Variants in RNF150 observed in about 807,000 individuals in gnomAD.
The protein encoded by RNF150 is ring finger protein 150.
In RNF150, 24 loss-of-function variants were observed where a neutral mutation model predicts 39.3. That is an observed-to-expected ratio of 0.61 (90% CI 0.44 to 0.86). The LOEUF (loss-of-function observed/expected upper bound fraction) is 0.86, where lower values mean the gene tolerates loss of function less well. RNF150 is among the 40% of genes least tolerant of loss of function. The probability of loss-of-function intolerance (pLI) is 0.00; values close to 1 mark genes in which losing one functional copy is unlikely to be tolerated. For synonymous variants in RNF150, 255 were observed against 227.3 expected, an observed-to-expected ratio of 1.12 and a Z score of -1.10; for missense variants, 502 against 587.8, an observed-to-expected ratio of 0.85 and a Z score of 1.51.
chr4:141,179,604 G>A (rs989679626), intron 1 of RNF150, among the ~76,000 whole-genome samples: 1 of 152,088 alleles, frequency 6.6e-6, no homozygotes, highest in Non-Finnish European at 1.5e-5. Context: ...TGAGATTTGG[G>A]GAGATTTGTT....
chr4:141,034,574 A>T (rs6537027), intron 1 of RNF150, among the ~76,000 whole-genome samples: 121,686 of 152,124 alleles, frequency 0.8, 49,169 homozygotes, highest in Non-Finnish European at 0.83. Flanking sequence ...GCTTTTGACT[A>T]CACTAAGCTT....
chr4:141,046,978 C>T (rs1268006381), intron 1 of RNF150, among the ~76,000 whole-genome samples: 1 of 152,106 alleles, frequency 6.6e-6, no homozygotes, highest in Non-Finnish European at 1.5e-5. Flanking sequence ...AATGCTCAAA[C>T]TCAGTTTTGA....
At chr4:140,906,979 T>A (rs1043131139) in intron 6 of RNF150, among the ~76,000 whole-genome samples, 10 of 152,176 alleles carry the variant, frequency 6.6e-5, no homozygotes, top group Non-Finnish European at 1.3e-4. Flanking sequence ...CCCCGCGAGA[T>A]GTGGAGTGGC....
chr4:141,186,617 G>T (rs1160661604), intron 1 of RNF150, among the ~76,000 whole-genome samples: 3 of 151,876 alleles, frequency 2.0e-5, no homozygotes, highest in Non-Finnish European at 2.9e-5. Flanking sequence ...ATGTTAGCCA[G>T]GATGGTCTCG....
chr4:141,035,410 A>G (rs1316977408), intron 1 of RNF150, among the ~76,000 whole-genome samples: 1 of 152,220 alleles, frequency 6.6e-6, no homozygotes, highest in African/African-American at 2.4e-5. Context: ...TTACCCTAAA[A>G]AGAATGCTAT....
At chr4:141,201,794 A>T (rs1338301623) in intron 1 of RNF150, among the ~76,000 whole-genome samples, 1 of 152,108 alleles carries the variant, frequency 6.6e-6, no homozygotes, top group Non-Finnish European at 1.5e-5. Context: ...ATGGCTACCA[A>T]CAAACAGCTT....
At chr4:141,048,204 G>A (rs980940185) in intron 1 of RNF150, among the ~76,000 whole-genome samples, 1 of 152,212 alleles carries the variant, frequency 6.6e-6, no homozygotes, top group Non-Finnish European at 1.5e-5. Context: ...ACTGTTTGCT[G>A]TAACATGCCA....
chr4:141,190,642 AG>A (rs1424669761), intron 1 of RNF150, among the ~76,000 whole-genome samples: 1 of 152,348 alleles, frequency 6.6e-6, no homozygotes, highest in East Asian at 1.9e-4. Context: ...AGCTATGTCT[AG>A]GTTTCTGACC....
rs1226986746 is a variant in RNF150, at chr4:140,865,054, G to C, written c.*3207C>G. On this transcript the variant is annotated 3_prime_UTR_variant, in exon 7 of 7. Coordinates refer to ENST00000515673, the MANE Select transcript of RNF150 (RefSeq NM_020724.2). ...CGGGGGATCTTGTGAGAATACTGGA[G>C]GAACTCTAGACCTGCATTGTCCAAT... 6.6e-6 allele frequency: 1 copy of C among 152,066 alleles called. No individual in the cohort carries two copies. The highest frequency in any genetic ancestry group is 1.5e-5 in the Non-Finnish European group (1 of 68,010). 9.4% of individuals were successfully genotyped at this position (152,066 alleles called of 1,614,324 possible). A position where few individuals can be genotyped will look rare whatever the true frequency, so the allele number is the denominator to read the frequency against.
intron 1 of RNF150, among the ~76,000 whole-genome samples, chr4:141,139,478 A>G (rs1350232482): frequency 1.3e-5 from 2 of 152,234 alleles, no homozygotes; most frequent in Non-Finnish European, 2.9e-5. Context: ...TCGATTCTGC[A>G]TCACAGTTAG....
chr4:141,152,245 A>G (rs1012387088), intron 1 of RNF150, among the ~76,000 whole-genome samples: 3 of 152,218 alleles, frequency 2.0e-5, no homozygotes, highest in Admixed American at 6.5e-5. Flanking sequence ...AAATTCAGCC[A>G]TGTTGCTTTT....
intron 5 of RNF150, among the ~76,000 whole-genome samples, chr4:140,920,882 T>C (rs1344802916): frequency 1.3e-5 from 2 of 151,596 alleles, no homozygotes; most frequent in Non-Finnish European, 2.9e-5. Context: ...TTCATGTCCT[T>C]TATAGGGACA....
intron 1 of RNF150, among the ~76,000 whole-genome samples, chr4:140,987,405 G>C (rs914871785): frequency 2.6e-5 from 4 of 151,958 alleles, no homozygotes; most frequent in Non-Finnish European, 5.9e-5. Flanking sequence ...ACAAAAACTG[G>C]TACAAAAACA....
chr4:141,159,750 C>T (rs1201385513), intron 1 of RNF150, among the ~76,000 whole-genome samples: 1 of 152,072 alleles, frequency 6.6e-6, no homozygotes, highest in Non-Finnish European at 1.5e-5. Flanking sequence ...GTCATGTTTG[C>T]CCAGGCTGAT....
At chr4:141,198,193 T>C (rs1003646015) in intron 1 of RNF150, among the ~76,000 whole-genome samples, 1 of 149,912 alleles carries the variant, frequency 6.7e-6, no homozygotes, top group Non-Finnish European at 1.5e-5. Context: ...TCCAAGATAA[T>C]TTTTTGTATT....
chr4:140,933,917 T>C lies in RNF150; in HGVS notation c.891-7844A>G, dbSNP rs73857138. On this transcript the variant is annotated intron_variant, in intron 4 of 6. Coordinates refer to ENST00000515673, the MANE Select transcript of RNF150 (RefSeq NM_020724.2). Reference sequence around the variant, plus strand: ...CATATCCTCAATCCCACTGACCTAGTGCCACACTGTGGGGACAATTCTGCT... The same window carrying C: ...CATATCCTCAATCCCACTGACCTAGCGCCACACTGTGGGGACAATTCTGCT... 7.3e-3 allele frequency among the ~76,000 whole-genome samples: 1,115 copies of C among 152,356 alleles called. 18 individuals carry two copies. The highest frequency in any genetic ancestry group is 0.025 in the African/African-American group (1,053 of 41,590).
At chr4:140,921,920 G>A (rs527410166) in intron 5 of RNF150, among the ~76,000 whole-genome samples, 9 of 151,714 alleles carry the variant, frequency 5.9e-5, no homozygotes, top group Admixed American at 2.0e-4. Flanking sequence ...ATTCAACAAC[G>A]CTTCATGCTA....
intron 1 of RNF150, among the ~76,000 whole-genome samples, chr4:141,093,883 A>ATAATGAATATAAATAATAT (rs1238134015): frequency 7.9e-5 from 12 of 152,244 alleles, no homozygotes; most frequent in Admixed American, 3.9e-4. Context: ...TATTATTTTT[A>ATAATGAATATAAATAATAT]AGTGAATGAA....
intron 4 of RNF150, among the ~76,000 whole-genome samples, chr4:140,935,915 GA>G (rs1273772201): frequency 6.6e-6 from 1 of 152,090 alleles, no homozygotes; most frequent in African/African-American, 2.4e-5. Flanking sequence ...TATCACCCCA[GA>G]AAGTCCTCCT....
Sources: gnomAD v4.1 joint callset for allele counts (sites outside exome capture counted in the v4.1 genomes callset) on GRCh38, gnomAD v4.1.1 for gene constraint, MANE v1.5 for transcripts, NCBI Gene and HGNC (gene_info 2026-07-23, HGNC 2026-07-21) for gene names.